MEF2C: variants seen among roughly 807,000 people sequenced by gnomAD.
The protein encoded by MEF2C is myocyte enhancer factor 2C.
In MEF2C, 6 loss-of-function variants were observed where a neutral mutation model predicts 50.5. The ratio of observed to expected loss-of-function variants is 0.12; its 90% CI spans 0.07 to 0.23. MEF2C has a LOEUF of 0.23. Among genes scored for constraint, MEF2C ranks in the 10% least tolerant of loss-of-function variants. MEF2C has a pLI of 1.00. For missense variants in MEF2C, 276 were observed against 605.0 expected (o/e 0.46, Z 5.70); for synonymous variants, 183 against 228.0 (o/e 0.80, Z 1.78).
intron 1 of MEF2C, chr5:88,878,150 G>C (rs1418642890): frequency 2.6e-5 from 4 of 151,970 alleles, no homozygotes; most frequent in African/African-American, 9.7e-5. Context: ...TGTGTATTTT[G>C]AGTCAGGAGA....
intron 2 of MEF2C, among the ~76,000 whole-genome samples, chr5:88,809,306 T>C (rs1043667915): frequency 7.9e-5 from 12 of 152,122 alleles, no homozygotes; most frequent in African/African-American, 2.9e-4. Context: ...TACAAATCAG[T>C]TACTAAAAAT....
At chr5:88,762,626 G>A (rs941986748) in intron 3 of MEF2C, among the ~76,000 whole-genome samples, 3 of 151,304 alleles carry the variant, frequency 2.0e-5, no homozygotes, top group African/African-American at 4.9e-5. Flanking sequence ...TATACAATTC[G>A]ATTTACAGAG....
At chr5:88,898,904 G>A (rs1835369889) in intron 1 of MEF2C, among the ~76,000 whole-genome samples, 1 of 151,912 alleles carries the variant, frequency 6.6e-6, no homozygotes, top group Non-Finnish European at 1.5e-5. Flanking sequence ...CAGACATATT[G>A]TACTAGGATT....
At chr5:88,861,464 G>A (rs983878505) in intron 1 of MEF2C, among the ~76,000 whole-genome samples, 1 of 152,140 alleles carries the variant, frequency 6.6e-6, no homozygotes, top group Non-Finnish European at 1.5e-5. Flanking sequence ...CTTGGATGTG[G>A]TATGTTCTTG....
chr5:88,890,635 T>C (rs116600067), intron 1 of MEF2C, among the ~76,000 whole-genome samples: 2,341 of 152,260 alleles, frequency 0.015, 15 homozygotes, highest in Non-Finnish European at 0.022. Context: ...AATACTGCTA[T>C]AGAGTTCAAA....
At chr5:88,776,593 G>A (rs145188784) in intron 3 of MEF2C, among the ~76,000 whole-genome samples, 34 of 152,138 alleles carry the variant, frequency 2.2e-4, no homozygotes, top group African/African-American at 8.2e-4. Context: ...CCAAGAATGA[G>A]AGACAGAGGT....
intron 1 of MEF2C, among the ~76,000 whole-genome samples, chr5:88,850,351 T>C (rs1199543772): frequency 6.6e-6 from 1 of 152,184 alleles, no homozygotes; most frequent in Non-Finnish European, 1.5e-5. Context: ...ATTTTACAGA[T>C]GAAATGGAGG....
chr5:88,801,980 C>A (rs955394808), intron 3 of MEF2C, among the ~76,000 whole-genome samples: 1 of 152,138 alleles, frequency 6.6e-6, no homozygotes, highest in African/African-American at 2.4e-5. Context: ...TGTGGAAAAG[C>A]CAAATATGTG....
intron 2 of MEF2C, among the ~76,000 whole-genome samples, chr5:88,812,005 C>G (rs1803045495): frequency 6.6e-6 from 1 of 152,062 alleles, no homozygotes; most frequent in African/African-American, 2.4e-5. Context: ...TGTGAGAGGT[C>G]AAGTAAGGGA....
intron 1 of MEF2C, chr5:88,839,452 C>T (rs754627424): frequency 6.6e-6 from 1 of 152,040 alleles, no homozygotes; most frequent in Non-Finnish European, 1.5e-5. Context: ...ATGGCTGCTT[C>T]TATATCCCAT....
At chr5:88,725,848 T>C (rs373527534) in intron 10 of MEF2C, among the ~76,000 whole-genome samples, 10 of 152,168 alleles carry the variant, frequency 6.6e-5, no homozygotes, top group South Asian at 2.1e-4. Context: ...ATCAACAAAG[T>C]TGACGTATGG....
At chr5:88,810,423 G>A (rs181369029) in intron 2 of MEF2C, among the ~76,000 whole-genome samples, 16 of 151,892 alleles carry the variant, frequency 1.1e-4, no homozygotes, top group African/African-American at 3.9e-4. Context: ...CCCTTGCCTG[G>A]ATAAAAAAGA....
chr5:88,888,545 G>C (rs1310146399), intron 1 of MEF2C, among the ~76,000 whole-genome samples: 2 of 152,214 alleles, frequency 1.3e-5, no homozygotes, highest in African/African-American at 4.8e-5. Flanking sequence ...CCCACAGTGA[G>C]TGAGTCCAAA....
rs1183224698 is a variant in MEF2C at position 88,740,715 on chromosome 5, T to C, written c.637+8355A>G. On this transcript the variant is annotated intron_variant, in intron 6 of 10. Transcript: ENST00000504921. ...AACCCAAATATCATTCTCCTTTGGG[T>C]ACTGATTTACTGAAGGGATAGTTTT... 3.0e-6 allele frequency: 3 copies of C among 984,524 alleles called. No homozygotes were observed. In the Admixed American group the frequency reaches 1.9e-4, roughly 61 times the overall value. 61.0% of individuals were successfully genotyped at this position (984,524 alleles called of 1,614,324 possible).
intron 6 of MEF2C, chr5:88,748,162 TTTTC>T (rs1770828018): frequency 2.0e-6 from 2 of 983,268 alleles, no homozygotes; most frequent in African/African-American, 1.7e-5. Context: ...TGTAAACCAA[TTTTC>T]TTTATCTTCT....
chr5:88,737,789 G>T (rs1561739234), intron 6 of MEF2C: 1 of 985,390 alleles, frequency 1.0e-6, no homozygotes, highest in Non-Finnish European at 1.2e-6. Flanking sequence ...GAAAAAGAAG[G>T]CTTGGCTAAC....
chr5:88,820,528 C>T (rs1807794461), intron 2 of MEF2C, among the ~76,000 whole-genome samples: 1 of 151,986 alleles, frequency 6.6e-6, no homozygotes, highest in African/African-American at 2.4e-5. Flanking sequence ...TTTCATTTCA[C>T]ACTTGAAGTC....
chr5:88,750,999 T>G (rs1772470148), intron 5 of MEF2C: 7 of 745,314 alleles, frequency 9.4e-6, no homozygotes, highest in Non-Finnish European at 1.1e-5. Context: ...AATACAATTA[T>G]TTTTGATGCT....
chr5:88,774,829 C>T (rs1222638747), intron 3 of MEF2C, among the ~76,000 whole-genome samples: 1 of 152,156 alleles, frequency 6.6e-6, no homozygotes, highest in Non-Finnish European at 1.5e-5. Context: ...AATTCTGAGG[C>T]AGTTTCTCAA....
Sources: gnomAD v4.1 joint callset for allele counts (sites outside exome capture counted in the v4.1 genomes callset) on GRCh38, gnomAD v4.1.1 for gene constraint, MANE v1.5 for transcripts, NCBI Gene and HGNC (gene_info 2026-07-23, HGNC 2026-07-21) for gene names.